AGAP3: variants seen among roughly 807,000 people sequenced by gnomAD.
AGAP3 encodes arf-GAP with GTPase, ANK repeat and PH domain-containing protein 3.
AGAP3 carries 24 observed loss-of-function variants against 96.9 expected under a neutral mutation model. The observed-to-expected ratio is 0.25, with a 90% CI of 0.18 to 0.35. AGAP3 has a LOEUF of 0.35. AGAP3 is among the 10% of genes least tolerant of loss of function. The pLI, the probability that AGAP3 is intolerant of heterozygous loss-of-function variation, is 1.00. For synonymous variants in AGAP3, 563 were observed against 536.1 expected (o/e 1.05, Z -0.69); for missense variants, 876 against 1,254.2 (o/e 0.70, Z 4.55).
chr7:151,089,465 G>A (rs961334707), intron 1 of AGAP3, among the ~76,000 whole-genome samples: 1 of 151,440 alleles, frequency 6.6e-6, no homozygotes, highest in Non-Finnish European at 1.5e-5. Context: ...GGAAAGGGGC[G>A]GCAGTTCCGA....
At chr7:151,110,861 C>T (rs547724477) in intron 1 of AGAP3, among the ~76,000 whole-genome samples, 137 of 152,238 alleles carry the variant, frequency 9.0e-4, no homozygotes, top group African/African-American at 3.1e-3. Flanking sequence ...TGTGCGGCTC[C>T]AGAGCTCATG....
chr7:151,143,979 C>G lies in AGAP3; in HGVS notation c.*36C>G. On this transcript the variant is annotated 3_prime_UTR_variant, in exon 18 of 18. Coordinates refer to ENST00000397238, the MANE Select transcript of AGAP3 (RefSeq NM_031946.7). The surrounding 1 kb of genome is among the most constrained non-coding windows in gnomAD (Gnocchi z 5.9). ...GAGGGCAGAGGGGCCAGAAGGACTC[C>G]ATGGCCCAAAGACCCTCCTCCCTGC... is the stretch of plus-strand genomic sequence containing the variant. 6.3e-7 allele frequency: 1 copy of G among 1,589,180 alleles called. No homozygotes were observed. Among genetic ancestry groups the G allele is most frequent in the Non-Finnish European group, 8.6e-7 (1 of 1,159,522 alleles).
Position 151,141,069 on chromosome 7 carries a change from C to G in AGAP3, c.1805-829C>G, listed in dbSNP as rs867311607. ...ACAAGCAGAGATGGCCTTGGCAGAACTGGGGTTCACCCTGGGGCCTTACCA... is the reference window on the plus strand; with the variant it reads ...ACAAGCAGAGATGGCCTTGGCAGAAGTGGGGTTCACCCTGGGGCCTTACCA... On this transcript the variant is annotated intron_variant, in intron 13 of 17. Coordinates refer to ENST00000397238, the MANE Select transcript of AGAP3 (RefSeq NM_031946.7). The surrounding 1 kb of genome is among the most constrained non-coding windows in gnomAD (Gnocchi z 4.2). 6.6e-6 allele frequency: 1 copy of G among 152,304 alleles called. No individual in the cohort carries two copies. Among genetic ancestry groups the G allele is most frequent in the Middle Eastern group, 3.4e-3 (1 of 296 alleles). 9.4% of individuals were successfully genotyped at this position (152,304 alleles called of 1,614,324 possible).
At chr7:151,126,021 G>A (rs1219057356) in intron 9 of AGAP3, among the ~76,000 whole-genome samples, 2 of 141,544 alleles carry the variant, frequency 1.4e-5, no homozygotes, top group Non-Finnish European at 3.1e-5. Context: ...GGCTAGGCGG[G>A]TTTCCTCCTG....
rs1428928762 is a variant in AGAP3 at position 151,118,726 on chromosome 7, C to G, written c.969+94C>G. On this transcript the variant is annotated intron_variant, in intron 7 of 17. Transcript: ENST00000397238. The surrounding 1 kb of genome is among the most constrained non-coding windows in gnomAD (Gnocchi z 6.1). The stretch of plus-strand genomic sequence containing the variant: ...ACTTCTGCTGGCCTCCTGCTCACAC[C>G]TGTCCACCTTCCTCTGGCCTCCCAG... The G allele has an allele frequency of 6.7e-7, 1 of 1,487,256 alleles. No homozygotes were observed. The highest frequency in any genetic ancestry group is 2.3e-5 in the East Asian group (1 of 43,892). The allele number at this position is 1,487,256 out of a possible 1,614,324, so 92.1% of individuals were successfully genotyped here.
Position 151,086,762 on chromosome 7 carries a change from G to C in AGAP3, c.21G>C (p.Gly7=). Reference sequence around the variant, plus strand: ...AAGCCATGAACTTCCAGGCGGGCGGGGGGCAGAGCCCGCAGCAGCAGCAGA... The same window carrying C: ...AAGCCATGAACTTCCAGGCGGGCGGCGGGCAGAGCCCGCAGCAGCAGCAGA... MNFQAG[G]GQSPQQQQSL... Residue 7 remains glycine (G), a synonymous_variant, in exon 1 of 18, where the codon GGG becomes GGC. Transcript: ENST00000397238. 4.1e-6 allele frequency: 4 copies of C among 972,546 alleles called. No individual in the cohort carries two copies. The South Asian group carries it at 1.8e-4, about 44-fold the overall frequency. The allele number at this position is 972,546 out of a possible 1,614,324, so 60.2% of individuals were successfully genotyped here.
chr7:151,116,720 G>A, intron 1 of AGAP3, 73 bp from the exon 2 acceptor site: 4 of 1,566,314 alleles, frequency 2.6e-6, no homozygotes, highest in Non-Finnish European at 3.5e-6. Context: ...CATCATAGGT[G>A]ACACAGGCAG....
Position 151,128,642 on chromosome 7 carries a change from G to A in AGAP3, c.1284G>A (p.Thr428=), listed in dbSNP as rs369420362. The change falls in exon 10 of 18, where the codon ACG becomes ACA. Residue 428 remains threonine, a synonymous_variant. Transcript: ENST00000397238. ...AGGAGTGGAAGAAGAAGTATGTGAC[G>A]CTCTGTGACAACGGGCTGCTCACCT... ...LNKEWKKKYV[T]LCDNGLLTYH... 64 of 1,613,806 alleles carry A rather than the reference G, an allele frequency of 4.0e-5. No homozygotes were observed. The highest frequency in any genetic ancestry group is 1.9e-4 in the South Asian group (17 of 91,074).
intron 9 of AGAP3, among the ~76,000 whole-genome samples, chr7:151,125,808 C>A (rs1171130416): frequency 2.0e-5 from 3 of 152,248 alleles, no homozygotes; most frequent in African/African-American, 7.2e-5. Context: ...CCAATCAATC[C>A]GGACTCCGCA....
intron 1 of AGAP3, among the ~76,000 whole-genome samples, chr7:151,101,597 G>A (rs2150423543): frequency 6.6e-6 from 1 of 152,326 alleles, no homozygotes; most frequent in Admixed American, 6.5e-5. Context: ...GCCCCAGAGT[G>A]TGGGCGCCTC....
Position 151,142,227 on chromosome 7 carries a change from G to C in AGAP3, c.2024G>C (p.Ser675Thr). ...VQAVRTVRGN[S>T]FCIDCDAPNP... ...GCCGTCCGCACCGTCCGCGGCAACA[G>C]CTTTTGTATCGACTGCGATGCACCC... Residue 675 changes from serine (S) to threonine (T), a missense_variant, in exon 15 of 18, where the codon AGC becomes ACC. Physicochemically the swap from Ser to Thr is moderately conservative, Grantham distance 58. Coordinates refer to ENST00000397238, the MANE Select transcript of AGAP3 (RefSeq NM_031946.7). The surrounding 1 kb of genome is among the most constrained non-coding windows in gnomAD (Gnocchi z 7.5). The C allele has an allele frequency of 6.2e-7, 1 of 1,613,526 alleles. No homozygotes were observed. The highest frequency in any genetic ancestry group is 8.5e-7 in the Non-Finnish European group (1 of 1,180,012).
At chr7:151,119,487 C>T (rs1282474424) in intron 7 of AGAP3, among the ~76,000 whole-genome samples, 5 of 152,230 alleles carry the variant, frequency 3.3e-5, no homozygotes, top group African/African-American at 4.8e-5. Context: ...CCAGCTGTCC[C>T]GGAATCCCTT....
At chr7:151,134,324 C>G in intron 10 of AGAP3, 76 bp from the exon 11 acceptor site, 1 of 1,523,964 alleles carries the variant, frequency 6.6e-7, no homozygotes, top group South Asian at 1.2e-5. Flanking sequence ...AGGGAGAGAC[C>G]TAGGAGTTGC....
chr7:151,100,888 A>C (rs758267796), intron 1 of AGAP3, among the ~76,000 whole-genome samples: 3 of 152,230 alleles, frequency 2.0e-5, no homozygotes, highest in Non-Finnish European at 2.9e-5. Context: ...TGGCTCTGTC[A>C]GGACTCCTTG....
chr7:151,118,692 C>A lies in AGAP3; in HGVS notation c.969+60C>A. ...CCACCATGTCTGTCTTGCCTCTGTG[C>A]GTCCTGCCACTTCTGCTGGCCTCCT... On this transcript the variant is annotated intron_variant, in intron 7 of 17. Transcript: ENST00000397238. This position sits in a 1 kb window ranked among gnomAD's most constrained non-coding sequence, Gnocchi z 6.1. 1 of 1,580,156 alleles carries A rather than the reference C, an allele frequency of 6.3e-7. No individual in the cohort carries two copies.
chr7:151,104,114 C>T (rs1563441182), intron 1 of AGAP3, among the ~76,000 whole-genome samples: 2 of 152,150 alleles, frequency 1.3e-5, no homozygotes, highest in Admixed American at 6.5e-5. Flanking sequence ...TAAACTGCCC[C>T]GCACAACTGT....
Position 151,118,402 on chromosome 7 carries a change from G to A in AGAP3, c.841+58G>A, listed in dbSNP as rs1799700564. The A allele has an allele frequency of 1.9e-6, 3 of 1,595,722 alleles. No individual in the cohort carries two copies. Among genetic ancestry groups the A allele is most frequent in the Admixed American group, 3.4e-5 (2 of 59,452 alleles). On this transcript the variant is annotated intron_variant, in intron 6 of 17. Transcript: ENST00000397238. The surrounding 1 kb of genome is among the most constrained non-coding windows in gnomAD (Gnocchi z 6.1). ...GCCGCGGCCCCAGTGCTGGCGATAGGAAGGCTCCCAGTGAGAGCAAGGCTG... is the reference window on the plus strand; with the variant it reads ...GCCGCGGCCCCAGTGCTGGCGATAGAAAGGCTCCCAGTGAGAGCAAGGCTG...
intron 8 of AGAP3, chr7:151,120,826 C>T (rs1022855399): frequency 2.2e-5 from 25 of 1,159,514 alleles, no homozygotes; most frequent in Non-Finnish European, 2.6e-5. Context: ...TGTGCTGGCC[C>T]GGCTGAGGGT....
Position 151,142,576 on chromosome 7 carries a change from A to G in AGAP3, c.2215A>G (p.Asn739Asp). ...VMTAMGNALA[N>D]SVWEGALGGY... ...GACTGCCATGGGCAATGCCCTCGCC[A>G]ACAGCGTCTGGGAGGGGGCCTTGGG... The change falls in exon 16 of 18, where the codon AAC (asparagine) becomes GAC (aspartate). Residue 739 changes from asparagine to aspartate, a missense_variant. By Grantham distance (23) the Asn-to-Asp change is conservative (BLOSUM62 1). Around this residue, in one of 8 missense-constraint regions of AGAP3, gnomAD observed 213 missense variants for 253.8 expected, o/e 0.84. Coordinates refer to ENST00000397238, the MANE Select transcript of AGAP3 (RefSeq NM_031946.7). This position sits in a 1 kb window ranked among gnomAD's most constrained non-coding sequence, Gnocchi z 7.5. The G allele has an allele frequency of 6.2e-7, 1 of 1,613,632 alleles. No homozygotes were observed. The highest frequency in any genetic ancestry group is 8.5e-7 in the Non-Finnish European group (1 of 1,180,018).
Sources: allele counts gnomAD v4.1 joint callset (sites outside exome capture counted in the v4.1 genomes callset), GRCh38; gene constraint gnomAD v4.1.1; regional missense constraint gnomAD v4.1.1; non-coding constraint Gnocchi (gnomAD v3.1); transcripts MANE v1.5; gene names NCBI Gene and HGNC (gene_info 2026-07-23, HGNC 2026-07-21).